The following JAKMIP3 variants were observed in gnomAD, a reference collection of about 807,000 sequenced individuals.
JAKMIP3 encodes the protein janus kinase and microtubule-interacting protein 3.
JAKMIP3 carries 58 observed loss-of-function variants against 118.5 expected under a neutral mutation model. That is an observed-to-expected ratio of 0.49 (90% confidence interval 0.40 to 0.61). The LOEUF (loss-of-function observed/expected upper bound fraction) is 0.61. JAKMIP3 is among the 20% of genes least tolerant of loss of function. The pLI is 0.00. For missense variants in JAKMIP3, 950 were observed against 1,109.0 expected (o/e 0.86, Z 2.04); for synonymous variants, 486 against 451.2 (o/e 1.08, Z -0.98).
intron 2 of JAKMIP3, among the ~76,000 whole-genome samples, chr10:132,113,747 GA>G (rs1019859043): frequency 2.0e-4 from 31 of 152,264 alleles, no homozygotes; most frequent in Admixed American, 2.6e-4. Context: ...TTTTATATCG[GA>G]AACCTACCAG....
intron 1 of JAKMIP3, among the ~76,000 whole-genome samples, chr10:132,084,969 G>A (rs1165001400): frequency 2.6e-5 from 4 of 152,056 alleles, no homozygotes; most frequent in East Asian, 3.9e-4. Context: ...TGTTGGATTC[G>A]GTTAGCTAGT....
At position 132,097,923 on chromosome 10, in the gene JAKMIP3, TCCTTCCCCTTC is replaced by T. The variant is rs1331251126; in HGVS notation, c.-137-6746_-137-6736del. On this transcript the variant is annotated intron_variant, in intron 1 of 23. Transcript: ENST00000684848. Reference sequence around the variant, plus strand: ...TCCCCTTCCCCTTCCCCTTCCCCTTTCCTTCCCCTTCCCCTTTCCCTTTCCCATCCCCTTTC... The same window carrying T: ...TCCCCTTCCCCTTCCCCTTCCCCTTTCCCTTTCCCTTTCCCATCCCCTTTC... 5.9e-5 allele frequency among the ~76,000 whole-genome samples: 2 copies of T among 33,864 alleles called. 1 individual carries two copies. Among genetic ancestry groups the T allele is most frequent in the Non-Finnish European group, 1.3e-4 (2 of 15,404 alleles). 22.2% of individuals were successfully genotyped at this position (33,864 alleles called of 152,430 possible). A position where few individuals can be genotyped will look rare whatever the true frequency, so the allele number is the denominator to read the frequency against.
Position 132,150,021 on chromosome 10 carries a change from C to T in JAKMIP3, c.1987C>T (p.Leu663=). 6.3e-7 allele frequency: 1 copy of T among 1,596,654 alleles called. No homozygotes were observed. Among genetic ancestry groups the T allele is most frequent in the Admixed American group, 1.7e-5 (1 of 57,742 alleles). Residue 663 remains leucine (L), a synonymous_variant, in exon 16 of 24, where the codon CTG becomes TTG. Transcript: ENST00000684848. Reference sequence around the variant, plus strand: ...GGAGCTGATGAAGAAGCTGGACATCCTGGGCGATAACGCCGTAAGTGTATG... The same window carrying T: ...GGAGCTGATGAAGAAGCTGGACATCTTGGGCGATAACGCCGTAAGTGTATG... ...VAELMKKLDI[L]GDNAVSNLTN...
At position 132,085,243 on chromosome 10, in the gene JAKMIP3, G is replaced by A. The variant is rs567243707; in HGVS notation, c.-138+19182G>A. On this transcript the variant is annotated intron_variant, in intron 1 of 23. Coordinates refer to ENST00000684848, the MANE Select transcript of JAKMIP3 (RefSeq NM_001323087.2). ...ATTCTTTTATTACCATTTCAGTCTC[G>A]CTGCCTGTTATTGGTCTGTTCAGAG... Among the ~76,000 whole-genome samples the A allele has an allele frequency of 5.3e-5, 8 of 152,110 alleles. No homozygotes were observed. The South Asian group carries it at 6.2e-4, about 12-fold the overall frequency.
At chr10:132,087,503 G>A (rs566733548) in intron 1 of JAKMIP3, among the ~76,000 whole-genome samples, 3 of 151,934 alleles carry the variant, frequency 2.0e-5, no homozygotes, top group African/African-American at 7.2e-5. Flanking sequence ...TTATTCTTAG[G>A]TTTGGTCATT....
intron 1 of JAKMIP3, among the ~76,000 whole-genome samples, chr10:132,074,297 C>T (rs564869965): frequency 2.6e-5 from 4 of 152,016 alleles, no homozygotes; most frequent in African/African-American, 9.7e-5. Context: ...AGTGATCCAC[C>T]CACCTTGGCC....
chr10:132,139,489 AGTATGTGAGTGT>A (rs1564949382), intron 9 of JAKMIP3, among the ~76,000 whole-genome samples: 4 of 139,694 alleles, frequency 2.9e-5, no homozygotes, highest in African/African-American at 1.1e-4. Flanking sequence ...TGTGTGTGAG[AGTATGTGAGTGT>A]GTATGTGTGA....
chr10:132,136,195 C>T (rs1241257309), intron 6 of JAKMIP3, 119 bp downstream of exon 6: 95 of 1,023,840 alleles, frequency 9.3e-5, no homozygotes, highest in Non-Finnish European at 1.4e-6. Context: ...GCCAGGCCTT[C>T]TGCTGGAGTC....
chr10:132,127,392 T>TTGTGTGTGTGTG (rs145559558), intron 3 of JAKMIP3, among the ~76,000 whole-genome samples: 75 of 146,972 alleles, frequency 5.1e-4, no homozygotes, highest in East Asian at 4.6e-3. Context: ...CTGGCTAATT[T>TTGTGTGTGTGTG]TGTGTGTGTG....
chr10:132,131,296 G>T (rs1244058941), intron 3 of JAKMIP3, among the ~76,000 whole-genome samples: 1 of 150,580 alleles, frequency 6.6e-6, no homozygotes, highest in African/African-American at 2.5e-5. Context: ...GGGCTGGGGA[G>T]ATAGGAGCTT....
chr10:132,131,857 C>G (rs2050697098), intron 3 of JAKMIP3, among the ~76,000 whole-genome samples: 1 of 152,160 alleles, frequency 6.6e-6, no homozygotes, highest in Non-Finnish European at 1.5e-5. Flanking sequence ...ACCCACAGCC[C>G]CATGGGAAGA....
At chr10:132,150,199 C>G (rs535156188) in intron 16 of JAKMIP3, among the ~76,000 whole-genome samples, 158 bp downstream of exon 16, 3 of 151,766 alleles carry the variant, frequency 2.0e-5, no homozygotes, top group Non-Finnish European at 4.4e-5. Flanking sequence ...AGAATCGGAG[C>G]CTTCCTCACA....
chr10:132,111,182 C>T (rs970166127), intron 2 of JAKMIP3, among the ~76,000 whole-genome samples: 1 of 152,350 alleles, frequency 6.6e-6, no homozygotes, highest in Non-Finnish European at 1.5e-5. Context: ...ATGGAAGCTC[C>T]GGCCTCCTGC....
chr10:132,086,487 G>A (rs184993345), intron 1 of JAKMIP3, among the ~76,000 whole-genome samples: 2 of 152,170 alleles, frequency 1.3e-5, no homozygotes, highest in Admixed American at 1.3e-4. Context: ...TTGTGTTGCT[G>A]TCTATTTCTT....
chr10:132,130,074 G>A (rs769469519), intron 3 of JAKMIP3, among the ~76,000 whole-genome samples: 5 of 152,042 alleles, frequency 3.3e-5, no homozygotes, highest in African/African-American at 1.2e-4. Flanking sequence ...ACATCAAGGG[G>A]CTTGGGCTCC....
At chr10:132,047,711 G>A (rs898750654) in intron 1 of JAKMIP3, among the ~76,000 whole-genome samples, 1 of 68,628 alleles carries the variant, frequency 1.5e-5, no homozygotes, top group African/African-American at 5.1e-5. Flanking sequence ...GGCGGTGTAC[G>A]GAGCTGTGCG....
intron 1 of JAKMIP3, among the ~76,000 whole-genome samples, chr10:132,068,590 G>A (rs956283873): frequency 2.6e-5 from 4 of 152,200 alleles, no homozygotes; most frequent in Admixed American, 6.5e-5. Flanking sequence ...TGAGGTAGAC[G>A]TGCTTTGGGA....
At position 132,168,221 on chromosome 10, in the gene JAKMIP3, C is replaced by G; in HGVS notation, c.*291C>G. 7 of 1,289,026 alleles carry G rather than the reference C, an allele frequency of 5.4e-6. No individual in the cohort carries two copies. The highest frequency in any genetic ancestry group is 6.1e-6 in the Non-Finnish European group (6 of 988,594). 79.8% of individuals were successfully genotyped at this position (1,289,026 alleles called of 1,614,324 possible). A position where few individuals can be genotyped will look rare whatever the true frequency, so the allele number is the denominator to read the frequency against. ...TGGACCCTGGGTCCCTTCTCCCGGA[C>G]GGCAGCCCCCATCCCATTTCCAGGG... On this transcript the variant is annotated 3_prime_UTR_variant, in exon 23 of 24. Coordinates refer to ENST00000684848, the MANE Select transcript of JAKMIP3 (RefSeq NM_001323087.2).
chr10:132,106,124 C>T (rs570249682), intron 2 of JAKMIP3, among the ~76,000 whole-genome samples: 1 of 152,100 alleles, frequency 6.6e-6, no homozygotes, highest in East Asian at 1.9e-4. Context: ...AGCTTGAGCC[C>T]AGGAGTTCGA....
Sources: gnomAD v4.1 joint callset for allele counts (sites outside exome capture counted in the v4.1 genomes callset) on GRCh38, gnomAD v4.1.1 for gene constraint, MANE v1.5 for transcripts, NCBI Gene and HGNC (gene_info 2026-07-23, HGNC 2026-07-21) for gene names.